The following ASAP2 variants were observed in gnomAD, a reference collection of about 807,000 sequenced individuals.
ASAP2 encodes the protein arf-GAP with SH3 domain, ANK repeat and PH domain-containing protein 2.
Under a neutral mutation model 131.4 loss-of-function variants are expected in ASAP2, and 45 were observed. The observed-to-expected ratio is 0.34, with a 90% confidence interval of 0.27 to 0.44. The LOEUF is 0.44. Ranked by LOEUF, ASAP2 falls within the 20% of genes least tolerant of loss-of-function variation. The pLI, the probability that ASAP2 is intolerant of heterozygous loss-of-function variation, is 1.00. For synonymous variants in ASAP2, 510 were observed against 503.0 expected (o/e 1.01, Z -0.19); for missense variants, 1,011 against 1,297.0 (o/e 0.78, Z 3.39).
intron 15 of ASAP2, among the ~76,000 whole-genome samples, chr2:9,362,943 G>A (rs1210213069): frequency 6.6e-6 from 1 of 152,108 alleles, no homozygotes. Flanking sequence ...AATTTTGCAT[G>A]CTTTGACCAA....
intron 16 of ASAP2, among the ~76,000 whole-genome samples, chr2:9,373,490 C>T (rs1001305041): frequency 3.2e-4 from 49 of 152,350 alleles, no homozygotes; most frequent in African/African-American, 1.1e-3. Context: ...GGCCCATCTT[C>T]AAGGGACCCC....
intron 1 of ASAP2, among the ~76,000 whole-genome samples, chr2:9,211,392 CT>C (rs200655024): frequency 2.8e-4 from 42 of 149,274 alleles, no homozygotes; most frequent in Middle Eastern, 3.4e-3. Context: ...TTTTTTTCTT[CT>C]TTTTTTTTCG....
At chr2:9,302,092 G>A (rs1668520016) in intron 3 of ASAP2, among the ~76,000 whole-genome samples, 1 of 147,704 alleles carries the variant, frequency 6.8e-6, no homozygotes, top group Admixed American at 6.8e-5. Context: ...CAAAGTGCAG[G>A]GATTACAGGC....
intron 1 of ASAP2, among the ~76,000 whole-genome samples, chr2:9,274,964 T>C (rs1275791632): frequency 1.3e-5 from 2 of 152,176 alleles, no homozygotes; most frequent in African/African-American, 4.8e-5. Context: ...CATGACATAA[T>C]ATGGGAGGAA....
At chr2:9,307,671 G>T (rs150975730) in intron 3 of ASAP2, among the ~76,000 whole-genome samples, 2 of 152,352 alleles carry the variant, frequency 1.3e-5, no homozygotes, top group Non-Finnish European at 2.9e-5. Context: ...GAGCCTGAAA[G>T]ATCAGAGCTG....
chr2:9,396,578 C>T (rs994529590), intron 24 of ASAP2, among the ~76,000 whole-genome samples: 3 of 152,196 alleles, frequency 2.0e-5, no homozygotes, highest in Non-Finnish European at 4.4e-5. Flanking sequence ...CGCCTCACCT[C>T]TTTTAGGTTT....
intron 1 of ASAP2, among the ~76,000 whole-genome samples, chr2:9,248,112 G>A (rs1664460667): frequency 6.6e-6 from 1 of 152,206 alleles, no homozygotes; most frequent in Admixed American, 6.5e-5. Context: ...GGGGGCGGCT[G>A]ACAGCAGCAA....
chr2:9,391,070 G>C lies in ASAP2; in HGVS notation c.2392G>C (p.Ala798Pro), dbSNP rs888843716. Residue 798 changes from alanine to proline, a missense_variant, in exon 23 of 28, where the codon GCC becomes CCC. This residue lies in a region of ASAP2 where 652 missense variants were observed against 698.9 expected (regional missense o/e 0.93). Transcript: ENST00000281419. ...CATGCGTGTGGGTTCAGTTCAGACA[G>C]CCTCCTCTGCTAACACCCTGTGGAA... ...PPRNVGKVQT[A>P]SSANTLWKTN... 3 of 1,614,138 alleles carry C rather than the reference G, an allele frequency of 1.9e-6. No individual in the cohort carries two copies. Among genetic ancestry groups the C allele is most frequent in the African/African-American group, 1.3e-5 (1 of 74,944 alleles).
intron 1 of ASAP2, among the ~76,000 whole-genome samples, chr2:9,240,397 G>A (rs962362650): frequency 6.6e-6 from 1 of 151,866 alleles, no homozygotes; most frequent in African/African-American, 2.4e-5. Flanking sequence ...GGGATCACAG[G>A]CATGCACCAC....
chr2:9,264,146 C>G (rs1225861272), intron 1 of ASAP2, among the ~76,000 whole-genome samples: 1 of 150,066 alleles, frequency 6.7e-6, no homozygotes, highest in South Asian at 2.1e-4. Context: ...GAGCCAAGAT[C>G]ACACCACTGC....
chr2:9,398,208 A>G (rs1676337546), intron 24 of ASAP2, among the ~76,000 whole-genome samples: 2 of 151,834 alleles, frequency 1.3e-5, no homozygotes, highest in Non-Finnish European at 2.9e-5. Flanking sequence ...TGAAACAGAG[A>G]TGCTAGAATC....
rs140507748 is a variant in ASAP2 at position 9,335,122 on chromosome 2, G to A, written c.792G>A (p.Arg264=). The A allele has an allele frequency of 1.1e-5, 18 of 1,614,052 alleles. No homozygotes were observed. In the African/African-American group the frequency reaches 2.3e-4, roughly 20 times the overall value. Residue 264 remains arginine (R), a synonymous_variant, in exon 9 of 28, where the codon AGG becomes AGA. Transcript: ENST00000281419. ...TIKQAQDEER[R]QLIQLRDILK... ...AACAGGCCCAGGATGAAGAAAGAAG[G>A]CAGTTGATACAGCTTCGAGATATTT...
chr2:9,391,005 C>T lies in ASAP2; in HGVS notation c.2384-57C>T, dbSNP rs145045636. ...GCAGTGTTCTGTTTCTGTTTTTGTT[C>T]GTGTGTGCACGTGTATGTGTGCGTG... On this transcript the variant is annotated intron_variant, in intron 22 of 27. Coordinates refer to ENST00000281419, the MANE Select transcript of ASAP2 (RefSeq NM_003887.3). 275 of 1,612,586 alleles carry T rather than the reference C, an allele frequency of 1.7e-4. No individual in the cohort carries two copies. The African/African-American group carries it at 2.8e-3, about 16-fold the overall frequency.
At chr2:9,294,780 A>G (rs181532435) in intron 2 of ASAP2, among the ~76,000 whole-genome samples, 2 of 152,284 alleles carry the variant, frequency 1.3e-5, no homozygotes, top group South Asian at 2.1e-4. Flanking sequence ...TGGGCTTTGC[A>G]TTCATTGCCC....
intron 15 of ASAP2, among the ~76,000 whole-genome samples, chr2:9,367,474 G>T (rs1195607165): frequency 1.3e-5 from 2 of 152,160 alleles, no homozygotes; most frequent in East Asian, 3.9e-4. Flanking sequence ...TTAAGAATCT[G>T]ACCTGGCCAG....
chr2:9,326,292 A>C (rs1380356270), intron 6 of ASAP2, among the ~76,000 whole-genome samples: 1 of 152,202 alleles, frequency 6.6e-6, no homozygotes, highest in Non-Finnish European at 1.5e-5. Context: ...TGAAGTTCTC[A>C]AGCTTTAAGT....
At position 9,389,075 on chromosome 2, in the gene ASAP2, C is replaced by T. The variant is rs1242409586; in HGVS notation, c.2383+529C>T. ...CCTACCAGTGTCTTAGGGCAAAAAGCATGCTTTTCTTACCTCAGCTGTAAC... is the reference window on the plus strand; with the variant it reads ...CCTACCAGTGTCTTAGGGCAAAAAGTATGCTTTTCTTACCTCAGCTGTAAC... On this transcript the variant is annotated intron_variant, in intron 22 of 27. Transcript: ENST00000281419. The surrounding 1 kb of genome is among the most constrained non-coding windows in gnomAD (Gnocchi z 4.7). Among the ~76,000 whole-genome samples the T allele has an allele frequency of 3.9e-5, 6 of 152,254 alleles. No homozygotes were observed. Among genetic ancestry groups the T allele is most frequent in the African/African-American group, 9.6e-5 (4 of 41,466 alleles).
chr2:9,317,317 TCA>T (rs1351794612), intron 3 of ASAP2, among the ~76,000 whole-genome samples: 3 of 96,142 alleles, frequency 3.1e-5, no homozygotes, highest in South Asian at 5.2e-4. Flanking sequence ...CCACATCCAC[TCA>T]CACAATCATA....
At chr2:9,356,635 T>G (rs1672725260) in intron 14 of ASAP2, among the ~76,000 whole-genome samples, 1 of 152,158 alleles carries the variant, frequency 6.6e-6, no homozygotes, top group Non-Finnish European at 1.5e-5. Flanking sequence ...AAGGGTACAG[T>G]GAGAGTGAAC....
Sources: gnomAD v4.1 joint callset for allele counts (sites outside exome capture counted in the v4.1 genomes callset) on GRCh38, gnomAD v4.1.1 for gene constraint, gnomAD v4.1.1 regional missense constraint, Gnocchi (gnomAD v3.1) non-coding constraint, MANE v1.5 for transcripts, NCBI Gene and HGNC (gene_info 2026-07-23, HGNC 2026-07-21) for gene names.